Variants in TENM2 observed in about 807,000 individuals in gnomAD.
TENM2 encodes teneurin transmembrane protein 2.
In TENM2, 52 loss-of-function variants were observed where a neutral mutation model predicts 245.2. The ratio of observed to expected loss-of-function variants is 0.21; its 90% CI spans 0.17 to 0.27. The LOEUF (loss-of-function observed/expected upper bound fraction) is 0.27, where lower values mean the gene tolerates loss of function less well. Among genes scored for constraint, TENM2 ranks in the 10% least tolerant of loss-of-function variants. TENM2 has a pLI of 1.00. For synonymous variants in TENM2, 1,363 were observed against 1,438.9 expected, an observed-to-expected ratio of 0.95 and a Z score of 1.19; for missense variants, 3,046 against 3,666.8, an observed-to-expected ratio of 0.83 and a Z score of 4.37.
intron 2 of TENM2, among the ~76,000 whole-genome samples, chr5:167,423,786 C>T (rs1055899039): frequency 6.6e-5 from 10 of 152,132 alleles, no homozygotes; most frequent in South Asian, 2.1e-4. Context: ...TCACCCTCGG[C>T]CGTAAGTGAA....
At chr5:167,212,275 T>C in the TENM2 span, among the ~76,000 whole-genome samples, 1 of 152,132 alleles carries the variant, frequency 6.6e-6, no homozygotes, top group Non-Finnish European at 1.5e-5. Flanking sequence ...AAGAATTCTC[T>C]TCTCACCAAG....
At chr5:168,240,768 A>G (rs771893104) in intron 25 of TENM2, 6 of 152,232 alleles carry the variant, frequency 3.9e-5, no homozygotes, top group Non-Finnish European at 8.8e-5. Flanking sequence ...AGGATGGCCA[A>G]GGGGATGGAA....
rs1000347492 is a variant in TENM2, at chr5:167,933,826, C to T, written c.713-18762C>T. On this transcript the variant is annotated intron_variant, in intron 3 of 28. Coordinates refer to ENST00000518659, the Ensembl canonical transcript of TENM2. ...GTATAATGGGTATCTCCTTCCACCC[C>T]GGTATGGTCACTGTGATGATTAAAT... Among the ~76,000 whole-genome samples the T allele has an allele frequency of 6.6e-5, 10 of 152,230 alleles. No homozygotes were observed. The East Asian group carries it at 7.7e-4, about 12-fold the overall frequency.
chr5:167,084,355 A>ATATATATATATG, the TENM2 span, among the ~76,000 whole-genome samples: 22 of 109,334 alleles, frequency 2.0e-4, 1 homozygote, highest in African/African-American at 7.1e-4. Context: ...ATATATATAT[A>ATATATATATATG]TATATATATA....
At chr5:168,063,228 C>T (rs1484301510) in intron 7 of TENM2, among the ~76,000 whole-genome samples, 5 of 151,944 alleles carry the variant, frequency 3.3e-5, no homozygotes, top group African/African-American at 1.2e-4. Context: ...TCTGTGGCTC[C>T]CCTGTACTAA....
chr5:167,759,894 G>A (rs1158017467), intron 2 of TENM2, among the ~76,000 whole-genome samples: 1 of 53,848 alleles, frequency 1.9e-5, no homozygotes, highest in South Asian at 9.0e-4. Flanking sequence ...TGTGAAATAA[G>A]GTGTGATTTT....
chr5:168,251,261 T>G (rs1167835025), intron 27 of TENM2, among the ~76,000 whole-genome samples: 1 of 152,202 alleles, frequency 6.6e-6, no homozygotes, highest in Non-Finnish European at 1.5e-5. Flanking sequence ...ACAGTCAGCC[T>G]CACTGACCCC....
the TENM2 span, among the ~76,000 whole-genome samples, chr5:167,260,689 A>G: frequency 6.6e-6 from 1 of 152,344 alleles, no homozygotes; most frequent in African/African-American, 2.4e-5. Context: ...TTTTAAATGA[A>G]CACATATTTT....
chr5:168,037,831 A>C (rs1787845152), intron 5 of TENM2, among the ~76,000 whole-genome samples: 1 of 152,202 alleles, frequency 6.6e-6, no homozygotes, highest in South Asian at 2.1e-4. Context: ...CATTTCACTT[A>C]AGTAGGGCTC....
At chr5:167,512,091 T>A (rs1769995816) in intron 2 of TENM2, among the ~76,000 whole-genome samples, 1 of 152,174 alleles carries the variant, frequency 6.6e-6, no homozygotes, top group Non-Finnish European at 1.5e-5. Flanking sequence ...AAGCTCTAGA[T>A]TTGAAAGCAG....
chr5:167,539,566 T>C (rs183445744), intron 2 of TENM2, among the ~76,000 whole-genome samples: 4 of 152,314 alleles, frequency 2.6e-5, no homozygotes, highest in East Asian at 3.9e-4. Flanking sequence ...AGAGAAGTGA[T>C]GATTTGGAGA....
At chr5:167,197,695 A>C in the TENM2 span, among the ~76,000 whole-genome samples, 2 of 152,064 alleles carry the variant, frequency 1.3e-5, no homozygotes, top group African/African-American at 4.8e-5. Flanking sequence ...CTTCCATATG[A>C]ACATGAAATA....
intron 2 of TENM2, among the ~76,000 whole-genome samples, chr5:167,580,756 G>C (rs538119120): frequency 6.6e-6 from 1 of 152,340 alleles, no homozygotes; most frequent in African/African-American, 2.4e-5. Flanking sequence ...TCGGGAGGCC[G>C]AGGTGGGCGG....
In TENM2 at chr5:167,725,683, C is replaced by T. The variant is rs935884845; in HGVS notation, c.503-150303C>T. Among the ~76,000 whole-genome samples the T allele has an allele frequency of 5.3e-5, 8 of 152,202 alleles. No individual in the cohort carries two copies. In the East Asian group the frequency reaches 1.2e-3, roughly 22 times the overall value. ...TTTACTTTAAAATATTTGTATGGCT[C>T]GCCAGTGCCCTGAGTGGTTTAGGGG... On this transcript the variant is annotated intron_variant, in intron 2 of 28. Transcript: ENST00000518659.
chr5:167,802,156 T>G (rs1033022387), intron 2 of TENM2, among the ~76,000 whole-genome samples: 1 of 152,158 alleles, frequency 6.6e-6, no homozygotes, highest in East Asian at 1.9e-4. Flanking sequence ...AGAGCCTTCA[T>G]GGCCTAATCA....
chr5:167,824,104 C>T (rs879646288), intron 2 of TENM2, among the ~76,000 whole-genome samples: 16 of 152,324 alleles, frequency 1.1e-4, no homozygotes, highest in Admixed American at 7.8e-4. Flanking sequence ...CCAGAGGCAT[C>T]GCCTGCTGCC....
At position 167,498,485 on chromosome 5, in the gene TENM2, C is replaced by A. The variant is rs144753868; in HGVS notation, c.502+123012C>A. The stretch of plus-strand genomic sequence containing the variant: ...GGAAGTAAATATTTCAGGGATGACC[C>A]TGCTCAACCAAAAAGGTCTCATCCC... On this transcript the variant is annotated intron_variant, in intron 2 of 28. Coordinates refer to ENST00000518659, the Ensembl canonical transcript of TENM2. Among the ~76,000 whole-genome samples, 880 of 152,208 alleles carry A rather than the reference C, an allele frequency of 5.8e-3. 9 individuals are homozygous for A. Among genetic ancestry groups the A allele is most frequent in the African/African-American group, 0.02 (830 of 41,538 alleles).
intron 2 of TENM2, among the ~76,000 whole-genome samples, chr5:167,504,650 GT>G (rs1180907158): frequency 6.6e-6 from 1 of 152,166 alleles, no homozygotes; most frequent in African/African-American, 2.4e-5. Context: ...TGGGGATAGT[GT>G]ATGTGAAATT....
At chr5:168,065,720 A>G (rs1363157717) in intron 7 of TENM2, among the ~76,000 whole-genome samples, 2 of 152,060 alleles carry the variant, frequency 1.3e-5, no homozygotes, top group Admixed American at 6.5e-5. Flanking sequence ...ACAAAAGAAA[A>G]AAGTAAAAAC....
Sources: allele counts gnomAD v4.1 joint callset (sites outside exome capture counted in the v4.1 genomes callset), GRCh38; gene constraint gnomAD v4.1.1; transcripts MANE v1.5; gene names NCBI Gene and HGNC (gene_info 2026-07-23, HGNC 2026-07-21).